Variants in ZNF680 observed in about 807,000 individuals in gnomAD.
ZNF680 encodes the protein zinc finger protein 680.
Under a neutral mutation model 12.1 loss-of-function variants are expected in ZNF680, and 6 were observed. The observed-to-expected ratio is 0.49, with a 90% CI of 0.27 to 0.98. ZNF680 has a LOEUF of 0.98. Among genes scored for constraint, ZNF680 ranks in the 50% least tolerant of loss-of-function variants. The pLI, the probability that ZNF680 is intolerant of heterozygous loss-of-function variation, is 0.12. For missense variants in ZNF680, 561 were observed against 616.3 expected, an observed-to-expected ratio of 0.91 and a Z score of 0.95; for synonymous variants, 170 against 199.3, an observed-to-expected ratio of 0.85 and a Z score of 1.24.
At chr7:64,526,485 G>T in intron 3 of ZNF680, 1 of 1,098,882 alleles carries the variant, frequency 9.1e-7, no homozygotes, top group Non-Finnish European at 1.3e-6. Flanking sequence ...GAGACCAGGA[G>T]TTCAAGATCA....
chr7:64,518,397 A>G (rs1190639842), downstream of ZNF680, among the ~76,000 whole-genome samples: 5 of 152,062 alleles, frequency 3.3e-5, no homozygotes, highest in Non-Finnish European at 7.4e-5. Context: ...GAAAACCACA[A>G]AACACTGCTA....
intron 3 of ZNF680, among the ~76,000 whole-genome samples, chr7:64,533,662 A>G (rs952174265): frequency 6.6e-6 from 1 of 151,096 alleles, no homozygotes; most frequent in African/African-American, 2.4e-5. Context: ...AATTAGAAAA[A>G]CCAATTCTAA....
chr7:64,537,936 A>G (rs1410915383), intron 3 of ZNF680, among the ~76,000 whole-genome samples: 1 of 152,122 alleles, frequency 6.6e-6, no homozygotes, highest in Non-Finnish European at 1.5e-5. Context: ...TCTCCAAAAA[A>G]AAACAAAAAA....
At chr7:64,557,915 T>C (rs1275338994) in intron 1 of ZNF680, among the ~76,000 whole-genome samples, 1 of 152,130 alleles carries the variant, frequency 6.6e-6, no homozygotes, top group African/African-American at 2.4e-5. Flanking sequence ...ATGCTATGCA[T>C]AGTACCTCAT....
At chr7:64,501,059 T>C in the ZNF680 span, 3 of 802,398 alleles carry the variant, frequency 3.7e-6, no homozygotes, top group Non-Finnish European at 4.2e-6. Context: ...GCTGGCCAGG[T>C]TTTAGATATT....
chr7:64,511,952 G>A, the ZNF680 span, among the ~76,000 whole-genome samples: 3 of 151,514 alleles, frequency 2.0e-5, no homozygotes, highest in African/African-American at 4.8e-5. Context: ...CCAGCTACTC[G>A]GGAGGCTGAG....
chr7:64,543,823 A>G (rs779312389), intron 2 of ZNF680, 21 bp from the exon 3 acceptor site: 5 of 1,601,038 alleles, frequency 3.1e-6, no homozygotes, highest in South Asian at 1.1e-5. Context: ...AAAAATAAAT[A>G]ACATGAATCT....
downstream of ZNF680, among the ~76,000 whole-genome samples, chr7:64,517,641 C>CA (rs1387232807): frequency 6.6e-6 from 1 of 151,128 alleles, no homozygotes; most frequent in Non-Finnish European, 1.5e-5. Flanking sequence ...AGGACATAGC[C>CA]AAAAAAGAAG....
chr7:64,560,006 T>G (rs4718088), intron 1 of ZNF680, among the ~76,000 whole-genome samples: 3,945 of 152,198 alleles, frequency 0.026, 106 homozygotes, highest in African/African-American at 0.057. Flanking sequence ...AAATATTCAC[T>G]GTCACAAATT....
downstream of ZNF680, among the ~76,000 whole-genome samples, chr7:64,517,956 G>A (rs927279448): frequency 7.9e-5 from 12 of 152,064 alleles, no homozygotes; most frequent in African/African-American, 2.2e-4. Context: ...AGCCATCTAT[G>A]TCAAACACAC....
chr7:64,533,608 A>G (rs528319181), intron 3 of ZNF680, among the ~76,000 whole-genome samples: 92 of 152,160 alleles, frequency 6.0e-4, no homozygotes, highest in Non-Finnish European at 7.6e-4. Flanking sequence ...CAATAAACAA[A>G]CTCAATACAA....
intron 1 of ZNF680, among the ~76,000 whole-genome samples, chr7:64,545,096 TA>T (rs566383113): frequency 2.1e-4 from 31 of 147,434 alleles, no homozygotes; most frequent in Non-Finnish European, 2.1e-4. Context: ...CCATCTCTAC[TA>T]AAAAAAAAAT....
At chr7:64,511,548 T>C in the ZNF680 span, among the ~76,000 whole-genome samples, 3 of 151,688 alleles carry the variant, frequency 2.0e-5, no homozygotes, top group Non-Finnish European at 4.4e-5. Flanking sequence ...GCCTCAAATA[T>C]CAAGCTTTGC....
chr7:64,528,879 A>C (rs894387419), intron 3 of ZNF680, among the ~76,000 whole-genome samples: 1 of 152,162 alleles, frequency 6.6e-6, no homozygotes, highest in Non-Finnish European at 1.5e-5. Context: ...ACAATAAGAG[A>C]GCATTAAATC....
At chr7:64,554,491 G>A (rs1276372269) in intron 1 of ZNF680, among the ~76,000 whole-genome samples, 2 of 152,220 alleles carry the variant, frequency 1.3e-5, no homozygotes, top group South Asian at 2.1e-4. Flanking sequence ...TCTGGGAGGT[G>A]TACCCAACAG....
chr7:64,543,388 A>T (rs75541903), intron 3 of ZNF680, among the ~76,000 whole-genome samples: 301 of 152,338 alleles, frequency 2.0e-3, no homozygotes, highest in African/African-American at 5.9e-3. Context: ...CAGTTTCTCA[A>T]AATTTTGCAG....
chr7:64,526,398 G>A (rs768153789), intron 3 of ZNF680: 104 of 1,467,204 alleles, frequency 7.1e-5, no homozygotes, highest in Non-Finnish European at 2.2e-5. Context: ...TACATGAAGG[G>A]CTACATAGTA....
intron 1 of ZNF680, among the ~76,000 whole-genome samples, chr7:64,562,210 C>T (rs1411108410): frequency 2.1e-5 from 3 of 143,158 alleles, no homozygotes; most frequent in East Asian, 4.0e-4. Flanking sequence ...TCAGCCTGGG[C>T]GACAGAGCGA....
downstream of ZNF680, among the ~76,000 whole-genome samples, chr7:64,515,536 G>C (rs909322272): frequency 2.6e-5 from 4 of 151,944 alleles, no homozygotes; most frequent in African/African-American, 9.7e-5. Context: ...ATGAGTCATT[G>C]CCTCCACCCC....
Sources: gnomAD v4.1 joint callset for allele counts (sites outside exome capture counted in the v4.1 genomes callset) on GRCh38, gnomAD v4.1.1 for gene constraint, MANE v1.5 for transcripts, NCBI Gene and HGNC (gene_info 2026-07-23, HGNC 2026-07-21) for gene names.